NELL1: variants seen among roughly 807,000 people sequenced by gnomAD.
NELL1 encodes protein kinase C-binding protein NELL1.
Under a neutral mutation model 107.4 loss-of-function variants are expected in NELL1, and 76 were observed. The observed-to-expected ratio is 0.71, with a 90% confidence interval of 0.59 to 0.86. The LOEUF is 0.86. Ranked by LOEUF, NELL1 falls within the 40% of genes least tolerant of loss-of-function variation. NELL1 has a pLI of 0.00. For missense variants in NELL1, 1,024 were observed against 1,005.5 expected (o/e 1.02, Z -0.25); for synonymous variants, 353 against 341.2 (o/e 1.03, Z -0.38).
intron 14 of NELL1, among the ~76,000 whole-genome samples, chr11:21,286,467 A>G (rs1849116984): frequency 6.6e-6 from 1 of 152,202 alleles, no homozygotes; most frequent in African/African-American, 2.4e-5. Flanking sequence ...GATTTTAGCC[A>G]GATGGCCCCC....
intron 14 of NELL1, among the ~76,000 whole-genome samples, chr11:21,305,475 G>T (rs1294603393): frequency 6.6e-6 from 1 of 151,896 alleles, no homozygotes. Flanking sequence ...AATCATAATT[G>T]CCATTCTAGC....
intron 14 of NELL1, among the ~76,000 whole-genome samples, chr11:21,267,212 C>T (rs1356062072): frequency 1.3e-5 from 2 of 151,908 alleles, no homozygotes; most frequent in African/African-American, 4.8e-5. Flanking sequence ...AAATCAAAGA[C>T]AAAGTGATCA....
rs1857149472 is a variant in NELL1, at chr11:21,573,362, T to C, written c.2335T>C (p.Ser779Pro). ...DSYGVSRLSG[S>P]VWTMAGSPCT... ...CTATGGTGTTTCACGGCTTAGTGGC[T>C]CAGTGTGGACGATGGCTGGATCTCC... The change falls in exon 19 of 20, where the codon TCA becomes CCA. Residue 779 changes from serine (S) to proline (P), a missense_variant. Ser to Pro is a moderately conservative substitution (Grantham distance 74). Coordinates refer to ENST00000357134, the MANE Select transcript of NELL1 (RefSeq NM_006157.5). The C allele has an allele frequency of 6.2e-7, 1 of 1,612,302 alleles. No homozygotes were observed. Among genetic ancestry groups the C allele is most frequent in the African/African-American group, 1.3e-5 (1 of 74,758 alleles).
At chr11:20,891,365 A>G (rs1849613578) in intron 5 of NELL1, among the ~76,000 whole-genome samples, 1 of 152,188 alleles carries the variant, frequency 6.6e-6, no homozygotes, top group African/African-American at 2.4e-5. Flanking sequence ...GAAAGAAACA[A>G]TAAATATGGA....
In NELL1 at chr11:21,517,248, A is replaced by G. The variant is rs577993480; in HGVS notation, c.1646-17126A>G. 5.3e-5 allele frequency among the ~76,000 whole-genome samples: 8 copies of G among 152,294 alleles called. No individual in the cohort carries two copies. The East Asian group carries it at 1.4e-3, about 26-fold the overall frequency. On this transcript the variant is annotated intron_variant, in intron 15 of 19. Transcript: ENST00000357134. ...GTTTTGGGCTCAGAATTTGCAACTG[A>G]AAGCTCAAGTTCAATGAAAACTATG...
chr11:20,677,978 C>G lies in NELL1; in HGVS notation c.102C>G (p.Thr34=). ...CTGACCTTCAGATGGATATCGTCAC[C>G]GAGCTTGACCTTGTGAACACCACCC... The part of the protein sequence containing the change: ...MDPDLQMDIV[T]ELDLVNTTLG... Residue 34 remains threonine, a synonymous_variant, in exon 2 of 20, where the codon ACC becomes ACG. Coordinates refer to ENST00000357134, the MANE Select transcript of NELL1 (RefSeq NM_006157.5). The G allele has an allele frequency of 4.3e-6, 7 of 1,614,110 alleles. No individual in the cohort carries two copies. The highest frequency in any genetic ancestry group is 5.9e-6 in the Non-Finnish European group (7 of 1,179,994).
chr11:21,361,861 A>G (rs920079683), intron 14 of NELL1, among the ~76,000 whole-genome samples: 1 of 151,834 alleles, frequency 6.6e-6, no homozygotes, highest in East Asian at 1.9e-4. Context: ...TATGATATCT[A>G]TTTATCTGAG....
At chr11:20,837,981 A>G (rs920973420) in intron 3 of NELL1, among the ~76,000 whole-genome samples, 2 of 151,990 alleles carry the variant, frequency 1.3e-5, no homozygotes, top group Non-Finnish European at 2.9e-5. Context: ...TCTTCCTTCC[A>G]AAGAGGACAG....
chr11:20,776,566 A>T (rs1222021402), intron 2 of NELL1, among the ~76,000 whole-genome samples: 1 of 152,198 alleles, frequency 6.6e-6, no homozygotes, highest in African/African-American at 2.4e-5. Flanking sequence ...CAATGAAGAT[A>T]AATAAAGACA....
intron 15 of NELL1, among the ~76,000 whole-genome samples, chr11:21,505,590 A>G (rs1178586921): frequency 6.6e-6 from 1 of 152,164 alleles, no homozygotes; most frequent in Admixed American, 6.6e-5. Flanking sequence ...TTTATCCTGC[A>G]TCAAGGTTTT....
intron 4 of NELL1, among the ~76,000 whole-genome samples, chr11:20,884,508 G>C (rs1043364167): frequency 1.4e-4 from 5 of 36,526 alleles, no homozygotes; most frequent in Admixed American, 4.1e-4. Context: ...ATGCTGAGAG[G>C]TACTTGCCCG....
chr11:20,840,700 A>G (rs904930221), intron 3 of NELL1, among the ~76,000 whole-genome samples: 1 of 152,242 alleles, frequency 6.6e-6, no homozygotes, highest in Non-Finnish European at 1.5e-5. Flanking sequence ...TTTTACATTT[A>G]TGGAATTCAC....
At chr11:20,685,250 T>C (rs1213292027) in intron 2 of NELL1, among the ~76,000 whole-genome samples, 1 of 152,084 alleles carries the variant, frequency 6.6e-6, no homozygotes, top group East Asian at 1.9e-4. Flanking sequence ...ATCACTGCCC[T>C]TCATTGACTG....
chr11:21,522,674 A>G (rs970936190), intron 15 of NELL1, among the ~76,000 whole-genome samples: 1 of 152,144 alleles, frequency 6.6e-6, no homozygotes, highest in Admixed American at 6.5e-5. Context: ...TAATATTGCC[A>G]GGTAACAAAG....
intron 14 of NELL1, among the ~76,000 whole-genome samples, chr11:21,294,198 T>G (rs552374236): frequency 6.6e-6 from 1 of 152,118 alleles, no homozygotes; most frequent in Non-Finnish European, 1.5e-5. Flanking sequence ...CCCTCCTACA[T>G]CTTTAGCTTC....
chr11:20,901,398 A>T (rs931701317), intron 5 of NELL1, among the ~76,000 whole-genome samples: 2 of 152,084 alleles, frequency 1.3e-5, no homozygotes, highest in African/African-American at 4.8e-5. Context: ...TATATACATG[A>T]CACCTATAAA....
At chr11:21,297,211 A>G (rs929975665) in intron 14 of NELL1, among the ~76,000 whole-genome samples, 2 of 152,038 alleles carry the variant, frequency 1.3e-5, no homozygotes, top group Non-Finnish European at 2.9e-5. Context: ...TATTATGGAA[A>G]GAAATGCAAA....
At chr11:21,037,388 A>G (rs1023962829) in intron 12 of NELL1, among the ~76,000 whole-genome samples, 1 of 152,102 alleles carries the variant, frequency 6.6e-6, no homozygotes, top group African/African-American at 2.4e-5. Context: ...ACACAAATAA[A>G]TAAATTTGAC....
Position 20,958,254 on chromosome 11 carries a change from C to A in NELL1, c.1172-2178C>A, listed in dbSNP as rs1369026946. On this transcript the variant is annotated intron_variant, in intron 11 of 19. Transcript: ENST00000357134. ...GCAACATAGTGAGACTTCATCTCTC[C>A]AAAAAAAAAATTAGCTGGGCCTGGT... 2.7e-5 allele frequency among the ~76,000 whole-genome samples: 4 copies of A among 148,204 alleles called. No individual in the cohort carries two copies. The East Asian group carries it at 7.9e-4, about 29-fold the overall frequency.
Sources: gnomAD v4.1 joint callset for allele counts (sites outside exome capture counted in the v4.1 genomes callset) on GRCh38, gnomAD v4.1.1 for gene constraint, MANE v1.5 for transcripts, NCBI Gene and HGNC (gene_info 2026-07-23, HGNC 2026-07-21) for gene names.